Variants in AGBL1 observed in about 807,000 individuals in gnomAD.
AGBL1 encodes AGBL carboxypeptidase 1.
A neutral mutation model predicts 118.9 loss-of-function variants in AGBL1; 130 were observed. That is an observed-to-expected ratio of 1.09 (90% CI 0.95 to 1.26). The LOEUF (loss-of-function observed/expected upper bound fraction) is 1.26, where lower values mean the gene tolerates loss of function less well. Among genes scored for constraint, AGBL1 ranks in the 50% most tolerant of loss-of-function variants. AGBL1 has a pLI of 0.00. For synonymous variants in AGBL1, 555 were observed against 478.9 expected, an observed-to-expected ratio of 1.16 and a Z score of -2.08; for missense variants, 1,584 against 1,298.1, an observed-to-expected ratio of 1.22 and a Z score of -3.38.
chr15:86,790,921 T>A (rs2078484529), intron 22 of AGBL1, among the ~76,000 whole-genome samples: 1 of 151,516 alleles, frequency 6.6e-6, no homozygotes, highest in East Asian at 1.9e-4. Context: ...AGAATAATAA[T>A]AAGTTGTAAA....
At chr15:86,636,927 A>G (rs2085107051) in intron 21 of AGBL1, among the ~76,000 whole-genome samples, 1 of 151,166 alleles carries the variant, frequency 6.6e-6, no homozygotes, top group Middle Eastern at 3.2e-3. Flanking sequence ...CTTAAGGTGG[A>G]TTTAGAGATT....
intron 6 of AGBL1, among the ~76,000 whole-genome samples, chr15:86,238,646 A>G (rs1030925797): frequency 1.3e-5 from 2 of 152,196 alleles, no homozygotes; most frequent in African/African-American, 2.4e-5. Flanking sequence ...CAATGAAAAC[A>G]TCACCCTTGG....
At chr15:86,545,058 A>T (rs1251443853) in intron 19 of AGBL1, among the ~76,000 whole-genome samples, 1 of 152,162 alleles carries the variant, frequency 6.6e-6, no homozygotes, top group African/African-American at 2.4e-5. Flanking sequence ...TGACCAGTGG[A>T]CTTTGAGCAG....
At chr15:86,412,829 A>G (rs2081641144) in intron 18 of AGBL1, among the ~76,000 whole-genome samples, 1 of 152,190 alleles carries the variant, frequency 6.6e-6, no homozygotes, top group African/African-American at 2.4e-5. Flanking sequence ...AAAATGGCAA[A>G]TATTGAATGA....
chr15:86,111,956 T>C (rs1268825880), intron 1 of AGBL1, among the ~76,000 whole-genome samples: 1 of 152,196 alleles, frequency 6.6e-6, no homozygotes, highest in Non-Finnish European at 1.5e-5. Flanking sequence ...TGTCGTGAAC[T>C]GCGCCTGTGA....
At chr15:86,942,803 T>C (rs527371563) in intron 23 of AGBL1, among the ~76,000 whole-genome samples, 1 of 152,322 alleles carries the variant, frequency 6.6e-6, no homozygotes, top group East Asian at 1.9e-4. Flanking sequence ...TCATTTCTAC[T>C]TATAAGGAGG....
intron 17 of AGBL1, among the ~76,000 whole-genome samples, chr15:86,349,279 T>C (rs1448470593): frequency 1.3e-5 from 2 of 152,144 alleles, no homozygotes; most frequent in African/African-American, 4.8e-5. Flanking sequence ...ACCTAGGAAA[T>C]TAATACGCTG....
intron 22 of AGBL1, among the ~76,000 whole-genome samples, chr15:86,822,820 G>A (rs773802036): frequency 6.6e-6 from 1 of 151,478 alleles, no homozygotes; most frequent in Non-Finnish European, 1.5e-5. Context: ...GGAAAGAGAT[G>A]TGGAGGATAA....
chr15:87,020,957 A>C (rs1345719928), intron 24 of AGBL1, among the ~76,000 whole-genome samples: 1 of 152,122 alleles, frequency 6.6e-6, no homozygotes, highest in Non-Finnish European at 1.5e-5. Flanking sequence ...TTCCCATTCA[A>C]CTACCATTGA....
chr15:86,210,995 G>C (rs2078086423), intron 5 of AGBL1, among the ~76,000 whole-genome samples: 1 of 152,134 alleles, frequency 6.6e-6, no homozygotes, highest in Non-Finnish European at 1.5e-5. Flanking sequence ...CTACAGATAG[G>C]GTTTTGGTGT....
intron 5 of AGBL1, among the ~76,000 whole-genome samples, chr15:86,215,381 G>A (rs2078171540): frequency 6.6e-6 from 1 of 152,044 alleles, no homozygotes; most frequent in African/African-American, 2.4e-5. Context: ...TTATCCACCT[G>A]TTATTTGGCT....
At chr15:86,398,939 C>A (rs1047581315) in intron 18 of AGBL1, among the ~76,000 whole-genome samples, 1 of 151,988 alleles carries the variant, frequency 6.6e-6, no homozygotes, top group Non-Finnish European at 1.5e-5. Context: ...ACCCATGTAC[C>A]CATGTGTTCC....
At chr15:86,461,389 C>G (rs2142085817) in intron 18 of AGBL1, among the ~76,000 whole-genome samples, 1 of 152,296 alleles carries the variant, frequency 6.6e-6, no homozygotes, top group Non-Finnish European at 1.5e-5. Context: ...GAAAAATCTT[C>G]AGTGAGCCCC....
intron 19 of AGBL1, among the ~76,000 whole-genome samples, chr15:86,545,441 T>A (rs1362163761): frequency 6.6e-6 from 1 of 152,140 alleles, no homozygotes; most frequent in Non-Finnish European, 1.5e-5. Flanking sequence ...AAGTACAGAT[T>A]TGTTGCACAG....
intron 19 of AGBL1, among the ~76,000 whole-genome samples, chr15:86,536,666 C>G (rs148671624): frequency 1.4e-3 from 207 of 152,170 alleles, no homozygotes; most frequent in African/African-American, 4.8e-3. Context: ...GAAGTCTAAA[C>G]AAATTTCTTA....
chr15:86,924,200 T>G (rs1399284169), intron 23 of AGBL1, among the ~76,000 whole-genome samples: 2 of 152,154 alleles, frequency 1.3e-5, no homozygotes, highest in Non-Finnish European at 2.9e-5. Context: ...TACACACAAA[T>G]GTTTGCATCA....
chr15:86,675,080 T>A (rs142192866), intron 22 of AGBL1, among the ~76,000 whole-genome samples: 1 of 152,126 alleles, frequency 6.6e-6, no homozygotes, highest in East Asian at 1.9e-4. Context: ...CAAAACAAAT[T>A]CAGTGGGCAA....
intron 21 of AGBL1, among the ~76,000 whole-genome samples, chr15:86,582,510 G>A (rs1020704920): frequency 1.3e-5 from 2 of 152,078 alleles, no homozygotes; most frequent in Admixed American, 6.6e-5. Context: ...TCCCATTACT[G>A]CGTATATACC....
intron 22 of AGBL1, among the ~76,000 whole-genome samples, chr15:86,731,717 T>G (rs1389260991): frequency 6.6e-6 from 1 of 152,206 alleles, no homozygotes; most frequent in Non-Finnish European, 1.5e-5. Flanking sequence ...ACTTTCAAGT[T>G]GCAGAGTAAG....
Sources: gnomAD v4.1 joint callset for allele counts (sites outside exome capture counted in the v4.1 genomes callset) on GRCh38, gnomAD v4.1.1 for gene constraint, MANE v1.5 for transcripts, NCBI Gene and HGNC (gene_info 2026-07-23, HGNC 2026-07-21) for gene names.